The following KCNQ1 variants were observed in gnomAD, a reference collection of about 807,000 sequenced individuals.
KCNQ1 encodes potassium voltage-gated channel subfamily Q member 1, also known as potassium voltage-gated channel subfamily KQT member 1.
KCNQ1 carries 49 observed loss-of-function variants against 72.4 expected under a neutral mutation model. The ratio of observed to expected loss-of-function variants is 0.68; its 90% CI spans 0.54 to 0.86. KCNQ1 has a LOEUF of 0.86. KCNQ1 is among the 40% of genes least tolerant of loss of function. The probability of loss-of-function intolerance (pLI) is 0.00; values close to 1 mark genes in which losing one functional copy is unlikely to be tolerated. For synonymous variants in KCNQ1, 450 were observed against 412.6 expected (o/e 1.09, Z -1.10); for missense variants, 790 against 945.1 (o/e 0.84, Z 2.15).
At chr11:2,832,668 G>T (rs554196483) in intron 15 of KCNQ1, among the ~76,000 whole-genome samples, 7 of 152,344 alleles carry the variant, frequency 4.6e-5, no homozygotes, top group Non-Finnish European at 8.8e-5. Flanking sequence ...CCCGGAGCAT[G>T]TTCCCTCTGT....
Position 2,543,893 on chromosome 11 carries a change from G to C in KCNQ1, c.477+15875G>C, listed in dbSNP as rs977113988. Among the ~76,000 whole-genome samples the C allele has an allele frequency of 3.9e-5, 6 of 152,156 alleles. No homozygotes were observed. Among genetic ancestry groups the C allele is most frequent in the Non-Finnish European group, 7.3e-5 (5 of 68,040 alleles). Reference sequence around the variant, plus strand: ...AGTGAATCATCTTGACTCCTTTTAAGAGGTTCAGTTTATCATAAAATTGTC... The same window carrying C: ...AGTGAATCATCTTGACTCCTTTTAACAGGTTCAGTTTATCATAAAATTGTC... On this transcript the variant is annotated intron_variant, in intron 2 of 15. Transcript: ENST00000155840. The surrounding 1 kb of genome is among the most constrained non-coding windows in gnomAD (Gnocchi z 5.6).
At position 2,540,731 on chromosome 11, in the gene KCNQ1, C is replaced by T. The variant is rs73404614; in HGVS notation, c.477+12713C>T. ...AGGTGCGTTCTGGTCCTCTGGGCCT[C>T]ACAGCTTTGTGCCCTCTAGGGTGGC... On this transcript the variant is annotated intron_variant, in intron 2 of 15. Transcript: ENST00000155840. 2.1e-3 allele frequency among the ~76,000 whole-genome samples: 325 copies of T among 152,338 alleles called. 4 individuals carry two copies. Among genetic ancestry groups the T allele is most frequent in the African/African-American group, 7.6e-3 (318 of 41,580 alleles).
At chr11:2,685,087 C>G (rs1171065564) in intron 11 of KCNQ1, 4 of 398,480 alleles carry the variant, frequency 1.0e-5, no homozygotes, top group Non-Finnish European at 1.8e-5. Context: ...TTACAGATTC[C>G]AGGGAAGGGG....
At position 2,498,222 on chromosome 11, in the gene KCNQ1, C is replaced by T. The variant is rs535782899; in HGVS notation, c.387-29706C>T. Among the ~76,000 whole-genome samples, 1 of 152,312 alleles carries T rather than the reference C, an allele frequency of 6.6e-6. No homozygotes were observed. Among genetic ancestry groups the T allele is most frequent in the East Asian group, 1.9e-4 (1 of 5,170 alleles). The stretch of plus-strand genomic sequence containing the variant: ...ACTGTGCTGCGAGAATCCCCCTTGT[C>T]AGGATCAGCTGCTCTCTTCAGAGCC... On this transcript the variant is annotated intron_variant, in intron 1 of 15. Coordinates refer to ENST00000155840, the MANE Select transcript of KCNQ1 (RefSeq NM_000218.3). The surrounding 1 kb of genome is among the most constrained non-coding windows in gnomAD (Gnocchi z 4.8).
intron 15 of KCNQ1, among the ~76,000 whole-genome samples, chr11:2,825,956 T>G (rs748128442): frequency 1.3e-5 from 2 of 152,176 alleles, no homozygotes; most frequent in Non-Finnish European, 2.9e-5. Flanking sequence ...CCTGTCCCCA[T>G]TGGCATGGTC....
chr11:2,473,704 T>C lies in KCNQ1; in HGVS notation c.386+28220T>C, dbSNP rs769393344. Among the ~76,000 whole-genome samples the C allele has an allele frequency of 5.3e-5, 8 of 152,254 alleles. No individual in the cohort carries two copies. Among genetic ancestry groups the C allele is most frequent in the South Asian group, 2.1e-4 (1 of 4,822 alleles). ...CAGCCAAGAGCCTTCCTCCATCCCA[T>C]TGAGAGCCAGGGCAGGTCCTGGAGA... On this transcript the variant is annotated intron_variant, in intron 1 of 15. Transcript: ENST00000155840. This position sits in a 1 kb window ranked among gnomAD's most constrained non-coding sequence, Gnocchi z 6.0.
intron 15 of KCNQ1, among the ~76,000 whole-genome samples, chr11:2,786,200 A>G (rs1421474274): frequency 1.3e-5 from 2 of 152,132 alleles, no homozygotes; most frequent in African/African-American, 2.4e-5. Flanking sequence ...ATTTCCACCA[A>G]TTATAAAATT....
intron 1 of KCNQ1, among the ~76,000 whole-genome samples, chr11:2,499,472 A>G (rs1341238674): frequency 2.0e-5 from 3 of 151,986 alleles, no homozygotes; most frequent in Non-Finnish European, 2.9e-5. Flanking sequence ...ATAATATTAA[A>G]TGTAAATGGG....
At chr11:2,643,026 T>A (rs930724719) in intron 10 of KCNQ1, 2 of 397,920 alleles carry the variant, frequency 5.0e-6, no homozygotes. Flanking sequence ...AGATATGTGA[T>A]ATGAATCCAA....
chr11:2,475,055 G>A lies in KCNQ1; in HGVS notation c.386+29571G>A, dbSNP rs1461503693. Among the ~76,000 whole-genome samples, 5 of 152,236 alleles carry A rather than the reference G, an allele frequency of 3.3e-5. No homozygotes were observed. Among genetic ancestry groups the A allele is most frequent in the Admixed American group, 1.3e-4 (2 of 15,292 alleles). On this transcript the variant is annotated intron_variant, in intron 1 of 15. Coordinates refer to ENST00000155840, the MANE Select transcript of KCNQ1 (RefSeq NM_000218.3). The surrounding 1 kb of genome is among the most constrained non-coding windows in gnomAD (Gnocchi z 5.8). ...TTTTAACCCATGTTTCATGGTCTTC[G>A]GTTTACTCGCAGTGCTAGGCGTCCG... is the stretch of plus-strand genomic sequence containing the variant.
Position 2,536,728 on chromosome 11 carries a change from C to T in KCNQ1, c.477+8710C>T, listed in dbSNP as rs899081800. ...GGACCGCTGGGCCTATCTCCAGCCA[C>T]GTGGGTCGCGAGAGTCGACCTGGGC... On this transcript the variant is annotated intron_variant, in intron 2 of 15. Coordinates refer to ENST00000155840, the MANE Select transcript of KCNQ1 (RefSeq NM_000218.3). The surrounding 1 kb of genome is among the most constrained non-coding windows in gnomAD (Gnocchi z 7.4). Among the ~76,000 whole-genome samples, 9 of 150,898 alleles carry T rather than the reference C, an allele frequency of 6.0e-5. No individual in the cohort carries two copies. Among genetic ancestry groups the T allele is most frequent in the African/African-American group, 2.0e-4 (8 of 40,210 alleles).
chr11:2,555,736 CT>C (rs939756424), intron 2 of KCNQ1, among the ~76,000 whole-genome samples: 22 of 152,278 alleles, frequency 1.4e-4, no homozygotes, highest in Non-Finnish European at 1.9e-4. Flanking sequence ...TTTCCTGCCC[CT>C]GGGCCTTTTC....
intron 8 of KCNQ1, among the ~76,000 whole-genome samples, chr11:2,586,784 C>G (rs1208720499): frequency 6.6e-6 from 1 of 152,120 alleles, no homozygotes; most frequent in African/African-American, 2.4e-5. Flanking sequence ...ACCCAGGAGC[C>G]CATCAGTGTG....
At position 2,661,878 on chromosome 11, in the gene KCNQ1, C is replaced by A; in HGVS notation, c.1394-83C>A. ...GCACAAGCTCCACTCCTCACCTGGC[C>A]CTGGGAGCTCACAGGCCTGGCTCCA... On this transcript the variant is annotated intron_variant, in intron 10 of 15. Transcript: ENST00000155840. The surrounding 1 kb of genome is among the most constrained non-coding windows in gnomAD (Gnocchi z 5.9). 1 of 1,572,482 alleles carries A rather than the reference C, an allele frequency of 6.4e-7. No homozygotes were observed. Among genetic ancestry groups the A allele is most frequent in the Non-Finnish European group, 8.7e-7 (1 of 1,143,662 alleles).
chr11:2,678,901 G>A lies in KCNQ1; in HGVS notation c.1514+16820G>A, dbSNP rs995844372. The stretch of plus-strand genomic sequence containing the variant: ...GACCCAAGGACCATTTCGTATACAT[G>A]TATGATCATACTTTCAGGGCATCTT... On this transcript the variant is annotated intron_variant, in intron 11 of 15. Transcript: ENST00000155840. The surrounding 1 kb of genome is among the most constrained non-coding windows in gnomAD (Gnocchi z 4.9). 3 of 398,490 alleles carry A rather than the reference G, an allele frequency of 7.5e-6. No individual in the cohort carries two copies. Among genetic ancestry groups the A allele is most frequent in the Non-Finnish European group, 1.3e-5 (3 of 226,082 alleles). 24.7% of individuals were successfully genotyped at this position (398,490 alleles called of 1,614,324 possible). A position where few individuals can be genotyped will look rare whatever the true frequency, so the allele number is the denominator to read the frequency against.
chr11:2,575,149 C>T (rs1407443505), intron 6 of KCNQ1, among the ~76,000 whole-genome samples: 2 of 152,130 alleles, frequency 1.3e-5, no homozygotes, highest in Admixed American at 6.5e-5. Context: ...CTGTGGGCAG[C>T]GGACGCTACT....
At chr11:2,675,381 T>G (rs971776215) in intron 11 of KCNQ1, 1 of 398,502 alleles carries the variant, frequency 2.5e-6, no homozygotes, top group African/African-American at 2.1e-5. Context: ...AGAAAACATT[T>G]AAACACAGAT....
At chr11:2,776,873 G>T in intron 13 of KCNQ1, 113 bp from the exon 14 acceptor site, 1 of 1,056,524 alleles carries the variant, frequency 9.5e-7, no homozygotes, top group East Asian at 2.5e-5. Flanking sequence ...CCCAGAGTGG[G>T]TGGACAGTCC....
rs1848248425 is a variant in KCNQ1 at position 2,566,409 on chromosome 11, A to G, written c.478-4219A>G. On this transcript the variant is annotated intron_variant, in intron 2 of 15. Coordinates refer to ENST00000155840, the MANE Select transcript of KCNQ1 (RefSeq NM_000218.3). This position sits in a 1 kb window ranked among gnomAD's most constrained non-coding sequence, Gnocchi z 6.7. ...CGGGGCGGGGCTCTCTCTGCCATGG[A>G]CGCCAGTCTTCCCTCCCCTAAGCTG... 6.6e-6 allele frequency among the ~76,000 whole-genome samples: 1 copy of G among 152,068 alleles called. No homozygotes were observed. Among genetic ancestry groups the G allele is most frequent in the African/African-American group, 2.4e-5 (1 of 41,388 alleles).
Sources: allele counts gnomAD v4.1 joint callset (sites outside exome capture counted in the v4.1 genomes callset), GRCh38; gene constraint gnomAD v4.1.1; non-coding constraint Gnocchi (gnomAD v3.1); transcripts MANE v1.5; gene names NCBI Gene and HGNC (gene_info 2026-07-23, HGNC 2026-07-21).